Variants in STRIP2 observed in about 807,000 individuals in gnomAD.
The protein encoded by STRIP2 is striatin-interacting protein 2.
STRIP2 carries 84 observed loss-of-function variants against 107.1 expected under a neutral mutation model. The ratio of observed to expected loss-of-function variants is 0.78; its 90% CI spans 0.66 to 0.94. The LOEUF (loss-of-function observed/expected upper bound fraction) is 0.94. Ranked by LOEUF, STRIP2 falls within the 40% of genes least tolerant of loss-of-function variation. The pLI, the probability that STRIP2 is intolerant of heterozygous loss-of-function variation, is 0.00. For synonymous variants in STRIP2, 394 were observed against 400.4 expected (o/e 0.98, Z 0.19); for missense variants, 888 against 1,034.2 (o/e 0.86, Z 1.94).
chr7:129,454,650 C>T (rs1798294920), intron 7 of STRIP2, 123 bp downstream of exon 7: 1 of 675,716 alleles, frequency 1.5e-6, no homozygotes, highest in African/African-American at 1.8e-5. Flanking sequence ...AATTAATGTC[C>T]TTTCTTTTAG....
intron 18 of STRIP2, among the ~76,000 whole-genome samples, chr7:129,476,750 G>A (rs914136132): frequency 1.3e-5 from 2 of 152,100 alleles, no homozygotes; most frequent in Non-Finnish European, 1.5e-5. Flanking sequence ...GGGCAGAGAC[G>A]CTCTTCACTT....
chr7:129,442,407 A>G (rs920410098), intron 2 of STRIP2, among the ~76,000 whole-genome samples: 2 of 152,322 alleles, frequency 1.3e-5, no homozygotes, highest in Admixed American at 1.3e-4. Flanking sequence ...GATACACACC[A>G]ATTTCATTAT....
chr7:129,441,143 T>C (rs1305828288), intron 2 of STRIP2, among the ~76,000 whole-genome samples: 3 of 152,130 alleles, frequency 2.0e-5, no homozygotes, highest in Admixed American at 6.5e-5. Flanking sequence ...TATTGAACTT[T>C]ATTAGTATAT....
Position 129,483,069 on chromosome 7 carries a change from ACTT to A in STRIP2, c.2254+25_2254+27del. ...ATGGTGAGTCTTCCCAAAGCTCTTG[ACTT>A]CCTGGAGTTTCCTGGGGTTTAGACA... is the stretch of plus-strand genomic sequence containing the variant. On this transcript the variant is annotated intron_variant, in intron 20 of 20. Coordinates refer to ENST00000249344, the MANE Select transcript of STRIP2 (RefSeq NM_020704.3). This position sits in a 1 kb window ranked among gnomAD's most constrained non-coding sequence, Gnocchi z 5.1. 1 of 1,611,716 alleles carries A rather than the reference ACTT, an allele frequency of 6.2e-7. No homozygotes were observed. Among genetic ancestry groups the A allele is most frequent in the Non-Finnish European group, 8.5e-7 (1 of 1,178,146 alleles).
chr7:129,438,933 T>G (rs1286833150), intron 1 of STRIP2, among the ~76,000 whole-genome samples: 1 of 152,176 alleles, frequency 6.6e-6, no homozygotes, highest in African/African-American at 2.4e-5. Flanking sequence ...TTATCTTCCC[T>G]GGGCAGCACT....
chr7:129,442,225 A>AAAT (rs1057352891), intron 2 of STRIP2, among the ~76,000 whole-genome samples: 7 of 152,100 alleles, frequency 4.6e-5, no homozygotes, highest in East Asian at 3.9e-4. Context: ...ACTCCATCTC[A>AAAT]AATAATAATA....
chr7:129,470,034 T>C (rs1448711240), intron 17 of STRIP2, among the ~76,000 whole-genome samples: 1 of 152,222 alleles, frequency 6.6e-6, no homozygotes, highest in Non-Finnish European at 1.5e-5. Flanking sequence ...TTTCCCCTCC[T>C]AACTCATGCC....
chr7:129,450,918 C>CTTTTTTTTTTTT (rs758536953), intron 3 of STRIP2, among the ~76,000 whole-genome samples: 1 of 54,512 alleles, frequency 1.8e-5, no homozygotes, highest in African/African-American at 7.9e-5. Context: ...GAGAAAGGTC[C>CTTTTTTTTTTTT]TTTTTTTTTT....
At position 129,483,261 on chromosome 7, in the gene STRIP2, T is replaced by C; in HGVS notation, c.2254+215T>C. 1.6e-6 allele frequency: 2 copies of C among 1,252,812 alleles called. No individual in the cohort carries two copies. Among genetic ancestry groups the C allele is most frequent in the Non-Finnish European group, 2.0e-6 (2 of 998,382 alleles). The allele number at this position is 1,252,812 out of a possible 1,614,324, so 77.6% of individuals were successfully genotyped here. ...CTATGTAAACTATGAAAATCCGTTT[T>C]ATAAAACAAGTAAATTGAGAGATAA... is the stretch of plus-strand genomic sequence containing the variant. On this transcript the variant is annotated intron_variant, in intron 20 of 20. Coordinates refer to ENST00000249344, the MANE Select transcript of STRIP2 (RefSeq NM_020704.3). The surrounding 1 kb of genome is among the most constrained non-coding windows in gnomAD (Gnocchi z 5.1).
chr7:129,455,635 AT>A (rs1562902733), intron 8 of STRIP2, among the ~76,000 whole-genome samples: 1 of 152,156 alleles, frequency 6.6e-6, no homozygotes, highest in East Asian at 1.9e-4. Flanking sequence ...ATTAAAGCCA[AT>A]GTTTGATGGA....
At position 129,454,411 on chromosome 7, in the gene STRIP2, G is replaced by A; in HGVS notation, c.600-10G>A. 2.5e-6 allele frequency: 4 copies of A among 1,608,590 alleles called. No individual in the cohort carries two copies. Among genetic ancestry groups the A allele is most frequent in the Non-Finnish European group, 3.4e-6 (4 of 1,175,058 alleles). On this transcript the variant is annotated splice_polypyrimidine_tract_variant and intron_variant, in intron 6 of 20. Transcript: ENST00000249344. ...CTTGGGAACCTCTTGTGACTCTTCTGTAACCCCAGGGTGCTGCTGAGTGTT... is the reference window on the plus strand; with the variant it reads ...CTTGGGAACCTCTTGTGACTCTTCTATAACCCCAGGGTGCTGCTGAGTGTT...
At chr7:129,437,837 A>C (rs1274791403) in intron 1 of STRIP2, among the ~76,000 whole-genome samples, 3 of 134,422 alleles carry the variant, frequency 2.2e-5, no homozygotes, top group Admixed American at 8.2e-5. Context: ...ACAGAGTCTC[A>C]CTCTGTCACC....
intron 4 of STRIP2, among the ~76,000 whole-genome samples, chr7:129,452,491 T>C (rs141483062): frequency 1.1e-4 from 17 of 152,322 alleles, no homozygotes; most frequent in Non-Finnish European, 2.4e-4. Flanking sequence ...CTGTATCTCT[T>C]GGGTCTGGTG....
intron 2 of STRIP2, among the ~76,000 whole-genome samples, chr7:129,442,442 T>C (rs1214037104): frequency 6.6e-6 from 1 of 152,136 alleles, no homozygotes; most frequent in Non-Finnish European, 1.5e-5. Context: ...GAGAAGGGAA[T>C]AAGATAGACT....
chr7:129,482,383 T>A (rs1462480003), intron 19 of STRIP2, among the ~76,000 whole-genome samples: 2 of 137,690 alleles, frequency 1.5e-5, no homozygotes, highest in African/African-American at 2.7e-5. Flanking sequence ...ATATATTTTT[T>A]TTTTTTTTTT....
intron 13 of STRIP2, chr7:129,460,656 G>GT: frequency 2.5e-6 from 1 of 407,102 alleles, no homozygotes; most frequent in South Asian, 2.3e-5. Context: ...GGCAGTTGGA[G>GT]TAGGTAGACC....
At chr7:129,482,813 C>G in intron 19 of STRIP2, 29 bp from the exon 20 acceptor site, 1 of 1,610,662 alleles carries the variant, frequency 6.2e-7, no homozygotes, top group Non-Finnish European at 8.5e-7. Flanking sequence ...AACGTTAGAT[C>G]TTTACCCCAC....
Position 129,451,642 on chromosome 7 carries a change from G to A in STRIP2, c.304G>A (p.Glu102Lys). The A allele has an allele frequency of 1.9e-6, 3 of 1,614,178 alleles. No individual in the cohort carries two copies. Among genetic ancestry groups the A allele is most frequent in the East Asian group, 4.5e-5 (2 of 44,880 alleles). ...GGGCAAGGAATGGCTGGAGTTGGAA[G>A]AAGATGCCCAAAAGGCCTATATAAT... Reference protein sequence around the residue: ...VQGKEWLELEEDAQKAYIMGL... With the variant: ...VQGKEWLELEKDAQKAYIMGL... Residue 102 changes from glutamate (E) to lysine (K), a missense_variant, in exon 4 of 21, where the codon GAA (glutamate) becomes AAA (lysine). Transcript: ENST00000249344.
In STRIP2 at chr7:129,455,142, G is replaced by A. The variant is rs1053024051; in HGVS notation, c.707-102G>A. 1.0e-5 allele frequency: 14 copies of A among 1,377,200 alleles called. No homozygotes were observed. The Admixed American group carries it at 2.9e-4, about 29-fold the overall frequency. The allele number at this position is 1,377,200 out of a possible 1,614,324, so 85.3% of individuals were successfully genotyped here. A position where few individuals can be genotyped will look rare whatever the true frequency, so the allele number is the denominator to read the frequency against. ...CCAAGTACTCTGGTATTCTTCAGGG[G>A]AGGTGAGTGCCTTCCTGTGTGTGTC... On this transcript the variant is annotated intron_variant, in intron 7 of 20. Transcript: ENST00000249344.
Sources: allele counts gnomAD v4.1 joint callset (sites outside exome capture counted in the v4.1 genomes callset), GRCh38; gene constraint gnomAD v4.1.1; non-coding constraint Gnocchi (gnomAD v3.1); transcripts MANE v1.5; gene names NCBI Gene and HGNC (gene_info 2026-07-23, HGNC 2026-07-21).